The following PHACTR1 variants were observed in gnomAD, a reference collection of about 807,000 sequenced individuals.
The protein encoded by PHACTR1 is RPEL repeat containing 1.
A neutral mutation model predicts 69.2 loss-of-function variants in PHACTR1; 16 were observed. That is an observed-to-expected ratio of 0.23 (90% CI 0.16 to 0.35). PHACTR1 has a LOEUF of 0.35. Among genes scored for constraint, PHACTR1 ranks in the 10% least tolerant of loss-of-function variants. The pLI, the probability that PHACTR1 is intolerant of heterozygous loss-of-function variation, is 1.00. For missense variants in PHACTR1, 510 were observed against 734.7 expected (o/e 0.69, Z 3.54); for synonymous variants, 312 against 284.5 (o/e 1.10, Z -0.97).
intron 4 of PHACTR1, among the ~76,000 whole-genome samples, chr6:13,006,504 C>CA (rs892403876): frequency 2.0e-5 from 3 of 151,782 alleles, no homozygotes; most frequent in Admixed American, 6.6e-5. Context: ...TTGTGAAGTA[C>CA]AAAAAATGGA....
intron 4 of PHACTR1, among the ~76,000 whole-genome samples, chr6:12,831,948 A>G (rs1203127210): frequency 6.6e-6 from 1 of 152,092 alleles, no homozygotes; most frequent in African/African-American, 2.4e-5. Flanking sequence ...GGAAATAAAA[A>G]TCAAAATTTT....
At chr6:13,221,765 C>G (rs149639822) in intron 8 of PHACTR1, among the ~76,000 whole-genome samples, 2 of 152,184 alleles carry the variant, frequency 1.3e-5, no homozygotes, top group South Asian at 4.1e-4. Flanking sequence ...TGGCCGGGCA[C>G]GGTGGCTCAC....
intron 8 of PHACTR1, among the ~76,000 whole-genome samples, chr6:13,208,369 A>G (rs1463018314): frequency 6.6e-6 from 1 of 152,236 alleles, no homozygotes; most frequent in Non-Finnish European, 1.5e-5. Flanking sequence ...TGTCTGTTGA[A>G]TCTTGTCATT....
At chr6:12,923,560 CT>C (rs2127517325) in intron 4 of PHACTR1, among the ~76,000 whole-genome samples, 1 of 152,306 alleles carries the variant, frequency 6.6e-6, no homozygotes, top group African/African-American at 2.4e-5. Context: ...AATACCAATA[CT>C]TTGATATTGA....
rs1781956801 is a variant in PHACTR1, at chr6:13,287,834, T to A, written c.*756T>A. The A allele has an allele frequency of 6.5e-6, 1 of 154,300 alleles. No individual in the cohort carries two copies. The highest frequency in any genetic ancestry group is 1.4e-5 in the Non-Finnish European group (1 of 69,416). 9.6% of individuals were successfully genotyped at this position (154,300 alleles called of 1,614,324 possible). A position where few individuals can be genotyped will look rare whatever the true frequency, so the allele number is the denominator to read the frequency against. On this transcript the variant is annotated 3_prime_UTR_variant, in exon 15 of 15. Coordinates refer to ENST00000332995, the MANE Select transcript of PHACTR1 (RefSeq NM_030948.6). The stretch of plus-strand genomic sequence containing the variant: ...GCTCAGTTCAAATAATCAACCCAAC[T>A]GTGTCCAGAGTGTCCAGTGTCATGA...
At chr6:12,907,874 T>A (rs993331244) in intron 4 of PHACTR1, among the ~76,000 whole-genome samples, 14 of 152,206 alleles carry the variant, frequency 9.2e-5, no homozygotes, top group Non-Finnish European at 2.9e-5. Context: ...TTCTACCTTG[T>A]TAGAGGCTCC....
At chr6:12,840,801 G>C (rs16873436) in intron 4 of PHACTR1, among the ~76,000 whole-genome samples, 29,795 of 152,114 alleles carry the variant, frequency 0.2, 3,225 homozygotes, top group African/African-American at 0.28. Context: ...TGCTCTTTTT[G>C]TTCAAATTTC....
chr6:13,283,445 A>C lies in PHACTR1; in HGVS notation c.1533A>C (p.Glu511Asp). Residue 511 changes from glutamate (E) to aspartate (D), a missense_variant, in exon 13 of 15, where the codon GAA (glutamate) becomes GAC (aspartate). Glu to Asp is a conservative substitution (Grantham distance 45). Coordinates refer to ENST00000332995, the MANE Select transcript of PHACTR1 (RefSeq NM_030948.6). This position sits in a 1 kb window ranked among gnomAD's most constrained non-coding sequence, Gnocchi z 4.7. ...AGCTCAGTCAAAGGCCCACGGTGGAAGAGCTTCGGGAAAGAAAGATCCTCA... is the reference window on the plus strand; with the variant it reads ...AGCTCAGTCAAAGGCCCACGGTGGACGAGCTTCGGGAAAGAAAGATCCTCA... ...TRKLSQRPTV[E>D]ELRERKILIR... The C allele has an allele frequency of 3.1e-6, 5 of 1,613,784 alleles. No individual in the cohort carries two copies. Among genetic ancestry groups the C allele is most frequent in the Non-Finnish European group, 4.2e-6 (5 of 1,179,800 alleles).
intron 5 of PHACTR1, among the ~76,000 whole-genome samples, chr6:13,056,986 A>C (rs1188342366): frequency 6.6e-6 from 1 of 152,214 alleles, no homozygotes; most frequent in Non-Finnish European, 1.5e-5. Context: ...GGCTCAGTTG[A>C]AAAGGAGTTC....
chr6:13,184,162 A>C (rs2066213469), intron 7 of PHACTR1, among the ~76,000 whole-genome samples: 2 of 152,220 alleles, frequency 1.3e-5, no homozygotes, highest in Non-Finnish European at 2.9e-5. Flanking sequence ...GCTGCTGCTC[A>C]GCGCCGGGCA....
intron 4 of PHACTR1, among the ~76,000 whole-genome samples, chr6:12,851,552 C>G (rs2127759208): frequency 6.6e-6 from 1 of 152,288 alleles, no homozygotes; most frequent in South Asian, 2.1e-4. Context: ...CACCCAGTAA[C>G]TCATCATGCA....
chr6:13,278,430 C>A, intron 12 of PHACTR1, 101 bp downstream of exon 12: 1 of 1,021,426 alleles, frequency 9.8e-7, no homozygotes, highest in African/African-American at 1.6e-5. Flanking sequence ...CTGCCTGGTT[C>A]CTCTCCTCCT....
chr6:13,002,958 C>T (rs1798270416), intron 4 of PHACTR1, among the ~76,000 whole-genome samples: 1 of 152,110 alleles, frequency 6.6e-6, no homozygotes, highest in South Asian at 2.1e-4. Context: ...AAGTGTGTTT[C>T]ATTTTTAAGG....
At chr6:13,113,720 C>T (rs185716524) in intron 5 of PHACTR1, among the ~76,000 whole-genome samples, 39 of 152,254 alleles carry the variant, frequency 2.6e-4, no homozygotes, top group Non-Finnish European at 3.5e-4. Flanking sequence ...CCCAGCTAAT[C>T]GGGCTTCTAT....
chr6:12,780,890 T>C (rs1677594511), intron 4 of PHACTR1, among the ~76,000 whole-genome samples: 1 of 152,180 alleles, frequency 6.6e-6, no homozygotes, highest in Non-Finnish European at 1.5e-5. Context: ...GGAGGACAGA[T>C]GAAGTGGGGG....
intron 4 of PHACTR1, among the ~76,000 whole-genome samples, chr6:12,775,681 A>T (rs1241157804): frequency 6.6e-6 from 1 of 152,226 alleles, no homozygotes; most frequent in Non-Finnish European, 1.5e-5. Context: ...ATCTCAGAGC[A>T]GGTGGTCTCC....
At chr6:13,132,529 C>T (rs1331077325) in intron 5 of PHACTR1, among the ~76,000 whole-genome samples, 1 of 152,052 alleles carries the variant, frequency 6.6e-6, no homozygotes, top group African/African-American at 2.4e-5. Context: ...GATGGTGATT[C>T]CTATTTTTAG....
At chr6:13,244,190 G>GAA (rs1039929590) in intron 10 of PHACTR1, among the ~76,000 whole-genome samples, 1 of 152,150 alleles carries the variant, frequency 6.6e-6, no homozygotes, top group African/African-American at 2.4e-5. Flanking sequence ...AAACCAGCAA[G>GAA]TTTTTATTAG....
chr6:12,980,161 C>G (rs1286270325), intron 4 of PHACTR1, among the ~76,000 whole-genome samples: 1 of 152,086 alleles, frequency 6.6e-6, no homozygotes, highest in African/African-American at 2.4e-5. Flanking sequence ...CAGTTTTTAT[C>G]TAATAGTGAA....
Sources: allele counts gnomAD v4.1 joint callset (sites outside exome capture counted in the v4.1 genomes callset), GRCh38; gene constraint gnomAD v4.1.1; non-coding constraint Gnocchi (gnomAD v3.1); transcripts MANE v1.5; gene names NCBI Gene and HGNC (gene_info 2026-07-23, HGNC 2026-07-21).